LCP1: variants seen among roughly 807,000 people sequenced by gnomAD.
LCP1 encodes the protein lymphocyte cytosolic protein 1.
A neutral mutation model predicts 72.0 loss-of-function variants in LCP1; 23 were observed. The ratio of observed to expected loss-of-function variants is 0.32; its 90% CI spans 0.23 to 0.45. The LOEUF (loss-of-function observed/expected upper bound fraction) is 0.45. LCP1 is among the 20% of genes least tolerant of loss of function. LCP1 has a pLI of 1.00. For missense variants in LCP1, 571 were observed against 748.3 expected (o/e 0.76, Z 2.76); for synonymous variants, 245 against 275.4 (o/e 0.89, Z 1.09).
At chr13:46,154,623 C>G (rs111955004) in intron 6 of LCP1, among the ~76,000 whole-genome samples, 182 bp downstream of exon 6, 4 of 152,196 alleles carry the variant, frequency 2.6e-5, no homozygotes, top group Non-Finnish European at 5.9e-5. Flanking sequence ...TACCACTCCA[C>G]CAGTCTCCCT....
At chr13:46,173,807 G>T (rs1191180481) in intron 1 of LCP1, among the ~76,000 whole-genome samples, 20 of 152,196 alleles carry the variant, frequency 1.3e-4, no homozygotes, top group Non-Finnish European at 1.6e-4. Flanking sequence ...TCCGGGCTTT[G>T]CCTTGCCTGA....
chr13:46,138,288 G>A (rs1321634212), intron 13 of LCP1, among the ~76,000 whole-genome samples: 1 of 152,120 alleles, frequency 6.6e-6, no homozygotes, highest in Non-Finnish European at 1.5e-5. Flanking sequence ...ACAATTCAAT[G>A]AAATAAATTC....
At chr13:46,136,377 C>T (rs1053478697) in intron 13 of LCP1, among the ~76,000 whole-genome samples, 3 of 152,188 alleles carry the variant, frequency 2.0e-5, no homozygotes, top group Non-Finnish European at 2.9e-5. Flanking sequence ...CGTGTGCCCT[C>T]GGACAGGGTC....
Position 46,130,813 on chromosome 13 carries a change from C to G in LCP1, c.1751+1G>C. The G allele has an allele frequency of 6.2e-7, 1 of 1,612,356 alleles. No individual in the cohort carries two copies. The highest frequency in any genetic ancestry group is 2.2e-5 in the East Asian group (1 of 44,804). On this transcript the variant is annotated splice_donor_variant, in intron 15 of 15. Transcript: ENST00000323076. LOFTEE classifies it high-confidence loss of function. ...TCTGAGGTTTATTTTTATTTACGTACTTTGCATTGTTGAGTTTCTCATCAT... is the reference window on the plus strand; with the variant it reads ...TCTGAGGTTTATTTTTATTTACGTAGTTTGCATTGTTGAGTTTCTCATCAT...
intron 14 of LCP1, among the ~76,000 whole-genome samples, chr13:46,133,129 CT>C: frequency 6.6e-6 from 1 of 152,224 alleles, no homozygotes; most frequent in Admixed American, 6.5e-5. Context: ...TACACAACTG[CT>C]TTTTTACAAA....
intron 12 of LCP1, chr13:46,142,755 T>A (rs2045706040): frequency 2.1e-6 from 1 of 478,596 alleles, no homozygotes; most frequent in Non-Finnish European, 4.1e-6. Flanking sequence ...GGTGAATTCA[T>A]GGAGATTGAC....
chr13:46,177,360 G>C (rs1372996782), intron 1 of LCP1, among the ~76,000 whole-genome samples: 1 of 152,180 alleles, frequency 6.6e-6, no homozygotes, highest in Non-Finnish European at 1.5e-5. Flanking sequence ...AAACTTTAAA[G>C]GCCGGGCGCG....
At chr13:46,166,398 C>G (rs1368325287) in intron 1 of LCP1, among the ~76,000 whole-genome samples, 1 of 152,158 alleles carries the variant, frequency 6.6e-6, no homozygotes, top group Non-Finnish European at 1.5e-5. Flanking sequence ...ATCATATAAC[C>G]TGCCAGGATC....
intron 1 of LCP1, among the ~76,000 whole-genome samples, chr13:46,179,163 A>G (rs909899147): frequency 3.9e-5 from 6 of 152,226 alleles, no homozygotes; most frequent in African/African-American, 1.4e-4. Flanking sequence ...TTTGTTAGTC[A>G]TTGTACAATT....
At chr13:46,140,915 T>A (rs772884333) in intron 13 of LCP1, among the ~76,000 whole-genome samples, 1 of 152,066 alleles carries the variant, frequency 6.6e-6, no homozygotes, top group Non-Finnish European at 1.5e-5. Flanking sequence ...AAATGAAACA[T>A]AGAGAAAATA....
chr13:46,172,205 G>A (rs887535963), intron 1 of LCP1, among the ~76,000 whole-genome samples: 2 of 152,206 alleles, frequency 1.3e-5, no homozygotes, highest in African/African-American at 2.4e-5. Context: ...TCTGCAGGGC[G>A]AGGCATGGTG....
chr13:46,144,316 C>A, intron 11 of LCP1, 126 bp downstream of exon 11: 1 of 727,696 alleles, frequency 1.4e-6, no homozygotes, highest in South Asian at 1.8e-5. Context: ...CAACTTGGCA[C>A]TTTTTCCCCT....
intron 5 of LCP1, among the ~76,000 whole-genome samples, chr13:46,156,146 T>C (rs1192025432): frequency 6.6e-6 from 1 of 152,264 alleles, no homozygotes; most frequent in Non-Finnish European, 1.5e-5. Context: ...AATTATCTAA[T>C]ACATTGATTA....
Position 46,126,678 on chromosome 13 carries a change from G to A in LCP1, c.*913C>T, listed in dbSNP as rs145935950. The A allele has an allele frequency of 2.2e-4, 50 of 231,738 alleles. No homozygotes were observed. Among genetic ancestry groups the A allele is most frequent in the East Asian group, 2.1e-3 (34 of 16,366 alleles). 14.4% of individuals were successfully genotyped at this position (231,738 alleles called of 1,614,324 possible). On this transcript the variant is annotated 3_prime_UTR_variant, in exon 16 of 16. Coordinates refer to ENST00000323076, the MANE Select transcript of LCP1 (RefSeq NM_002298.5). ...CCATACCACAGTAACTAGATCTAATGTGAGGGCTAAATGCCTGGAGAGGCA... is the reference window on the plus strand; with the variant it reads ...CCATACCACAGTAACTAGATCTAATATGAGGGCTAAATGCCTGGAGAGGCA...
In LCP1 at chr13:46,156,479, C is replaced by T. The variant is rs747471750; in HGVS notation, c.450G>A (p.Thr150=). The T allele has an allele frequency of 6.8e-6, 11 of 1,614,128 alleles. No individual in the cohort carries two copies. The East Asian group carries it at 1.3e-4, about 20-fold the overall frequency. The stretch of plus-strand genomic sequence containing the variant: ...CTCCAACAGCATTAAAGAGATCATT[C>T]GTGTTTGGGTTCATTGGGATGACAT... The part of the protein sequence containing the change: ...CRHVIPMNPN[T]NDLFNAVGDG... Residue 150 remains threonine, a synonymous_variant, in exon 5 of 16, where the codon ACG becomes ACA. Transcript: ENST00000323076.
intron 1 of LCP1, among the ~76,000 whole-genome samples, chr13:46,163,313 A>T (rs574593827): frequency 1.3e-5 from 2 of 152,352 alleles, no homozygotes; most frequent in East Asian, 3.9e-4. Context: ...CTGCCTTGGG[A>T]TGCTGTTAAT....
chr13:46,145,642 GCTCAC>G (rs2045725206), intron 10 of LCP1, among the ~76,000 whole-genome samples: 1 of 77,876 alleles, frequency 1.3e-5, no homozygotes, highest in Admixed American at 1.5e-4. Context: ...GGGCGCGGTG[GCTCAC>G]GCCTGTAATC....
At chr13:46,156,113 T>C (rs2045799775) in intron 5 of LCP1, among the ~76,000 whole-genome samples, 1 of 152,216 alleles carries the variant, frequency 6.6e-6, no homozygotes, top group South Asian at 2.1e-4. Context: ...ATTTAATCAG[T>C]ATTTTATAAG....
chr13:46,130,758 C>T (rs1231439357), intron 15 of LCP1, 56 bp downstream of exon 15: 6 of 1,603,342 alleles, frequency 3.7e-6, no homozygotes, highest in Admixed American at 1.7e-5. Flanking sequence ...TTACAACCAT[C>T]CAGCTGCCAG....
Sources: allele counts gnomAD v4.1 joint callset (sites outside exome capture counted in the v4.1 genomes callset), GRCh38; gene constraint gnomAD v4.1.1; transcripts MANE v1.5; gene names NCBI Gene and HGNC (gene_info 2026-07-23, HGNC 2026-07-21).